Variants in RBFOX1 observed in about 807,000 individuals in gnomAD.
RBFOX1 encodes the protein RNA binding fox-1 homolog 1.
A neutral mutation model predicts 57.7 loss-of-function variants in RBFOX1; 8 were observed. The ratio of observed to expected loss-of-function variants is 0.14; its 90% CI spans 0.08 to 0.25. The LOEUF is 0.25. RBFOX1 is among the 10% of genes least tolerant of loss of function. The pLI, the probability that RBFOX1 is intolerant of heterozygous loss-of-function variation, is 1.00. For synonymous variants in RBFOX1, 326 were observed against 222.4 expected (o/e 1.47, Z -4.15); for missense variants, 611 against 548.5 (o/e 1.11, Z -1.14).
At chr16:6,726,089 G>A (rs1483553458) in intron 3 of RBFOX1, among the ~76,000 whole-genome samples, 1 of 152,162 alleles carries the variant, frequency 6.6e-6, no homozygotes, top group African/African-American at 2.4e-5. Flanking sequence ...ATGTTATTCA[G>A]TGTTAAATAT....
At chr16:7,233,241 T>A (rs1353111222) in intron 4 of RBFOX1, among the ~76,000 whole-genome samples, 4 of 150,978 alleles carry the variant, frequency 2.6e-5, no homozygotes, top group Non-Finnish European at 4.4e-5. Flanking sequence ...CTGATTCTTA[T>A]CCCATTGACT....
chr16:6,253,453 C>T (rs1371964324), intron 1 of RBFOX1, among the ~76,000 whole-genome samples: 1 of 152,142 alleles, frequency 6.6e-6, no homozygotes, highest in African/African-American at 2.4e-5. Context: ...AGGTGAGAAG[C>T]CAGAGGCTCG....
In RBFOX1 at chr16:6,562,851, TCTTTCTTTCTTTCTTTCTTTCTTTC is replaced by T. The variant is rs1567693317; in HGVS notation, c.-63-91751_-63-91727del. ...TGATTCTTTTCTTTCTTTCTTTCTT[TCTTTCTTTCTTTCTTTCTTTCTTTC>T]TTTCTTTTTTTTTTTTTTTTTTGCA... On this transcript the variant is annotated intron_variant, in intron 2 of 15. Coordinates refer to ENST00000550418, the MANE Select transcript of RBFOX1 (RefSeq NM_018723.4). 1.5e-3 allele frequency among the ~76,000 whole-genome samples: 78 copies of T among 50,540 alleles called. 3 individuals carry two copies. Among genetic ancestry groups the T allele is most frequent in the African/African-American group, 9.4e-3 (76 of 8,054 alleles). 33.2% of individuals were successfully genotyped at this position (50,540 alleles called of 152,430 possible).
chr16:6,017,695 T>C (rs532489809), upstream of RBFOX1, among the ~76,000 whole-genome samples: 3 of 152,258 alleles, frequency 2.0e-5, no homozygotes, highest in African/African-American at 7.2e-5. Context: ...TAAAAAGTAA[T>C]ATAGTTATAG....
At chr16:5,869,733 C>A (rs915178242) in intron 4 of RBFOX1, among the ~76,000 whole-genome samples, 1 of 152,068 alleles carries the variant, frequency 6.6e-6, no homozygotes, top group African/African-American at 2.4e-5. Flanking sequence ...CCTCATTTTA[C>A]CTGTTGAAAA....
chr16:6,051,135 C>T (rs1052918725), intron 1 of RBFOX1, among the ~76,000 whole-genome samples: 2 of 151,186 alleles, frequency 1.3e-5, no homozygotes, highest in Non-Finnish European at 2.9e-5. Flanking sequence ...GACAAAACTG[C>T]AATTACTTTT....
rs545536847 is a variant in RBFOX1, at chr16:7,666,310, G to A, written c.930+1342G>A. 1.1e-4 allele frequency among the ~76,000 whole-genome samples: 17 copies of A among 152,060 alleles called. No individual in the cohort carries two copies. The Middle Eastern group carries it at 0.014, about 122-fold the overall frequency. On this transcript the variant is annotated intron_variant, in intron 13 of 15. Coordinates refer to ENST00000550418, the MANE Select transcript of RBFOX1 (RefSeq NM_018723.4). Reference sequence around the variant, plus strand: ...AGAATTTAGGGCTTTAGAAATGAAAGGGAATAGACAAGGGATAGAGAAATG... The same window carrying A: ...AGAATTTAGGGCTTTAGAAATGAAAAGGAATAGACAAGGGATAGAGAAATG...
intron 2 of RBFOX1, among the ~76,000 whole-genome samples, chr16:5,560,680 C>T (rs141814148): frequency 4.6e-5 from 7 of 152,284 alleles, no homozygotes; most frequent in African/African-American, 9.6e-5. Flanking sequence ...AACATCTCAG[C>T]GTAGTCTGTG....
chr16:7,400,474 A>C (rs985241058), intron 4 of RBFOX1, among the ~76,000 whole-genome samples: 1 of 152,182 alleles, frequency 6.6e-6, no homozygotes, highest in South Asian at 2.1e-4. Flanking sequence ...TTTTTAATTT[A>C]AATTTATAGT....
intron 4 of RBFOX1, among the ~76,000 whole-genome samples, chr16:7,356,316 T>G (rs2097213734): frequency 6.6e-6 from 1 of 151,980 alleles, no homozygotes; most frequent in Non-Finnish European, 1.5e-5. Flanking sequence ...AACAAAAGAC[T>G]GAAATGAGAG....
Position 5,424,915 on chromosome 16 carries a change from CTT to C in RBFOX1, c.220-42299_220-42298del, listed in dbSNP as rs1279698322. Among the ~76,000 whole-genome samples the C allele has an allele frequency of 2.0e-5, 2 of 100,392 alleles. 1 individual carries two copies. Among genetic ancestry groups the C allele is most frequent in the Non-Finnish European group, 4.0e-5 (2 of 50,074 alleles). The allele number at this position is 100,392 out of a possible 152,430, so 65.9% of individuals were successfully genotyped here. On this transcript the variant is annotated intron_variant, in intron 1 of 2. Transcript: ENST00000585867. The stretch of plus-strand genomic sequence containing the variant: ...TCTTTCTTTCTTTCTTTCTTTCTTT[CTT>C]TCTTTCTTTCTTTCTTTCTCTCTCT...
Position 7,156,390 on chromosome 16 carries a change from CACAT to C in RBFOX1, c.27+104297_27+104300del, listed in dbSNP as rs563427709. The stretch of plus-strand genomic sequence containing the variant: ...ATACATATGCGTGTACATATATGCA[CACAT>C]ACATGTACATATATGTGTGCGTATA... On this transcript the variant is annotated intron_variant, in intron 4 of 15. Coordinates refer to ENST00000550418, the MANE Select transcript of RBFOX1 (RefSeq NM_018723.4). 2.8e-3 allele frequency among the ~76,000 whole-genome samples: 431 copies of C among 151,598 alleles called. 2 individuals are homozygous for C. Among genetic ancestry groups the C allele is most frequent in the South Asian group, 0.021 (101 of 4,808 alleles).
At chr16:5,442,254 G>A (rs2068106732) in intron 1 of RBFOX1, among the ~76,000 whole-genome samples, 1 of 152,212 alleles carries the variant, frequency 6.6e-6, no homozygotes, top group South Asian at 2.1e-4. Flanking sequence ...TCCAGTGGGA[G>A]TAGTACTGCA....
chr16:6,801,199 CAAAA>C (rs200091675), intron 3 of RBFOX1, among the ~76,000 whole-genome samples: 16 of 91,572 alleles, frequency 1.7e-4, no homozygotes, highest in East Asian at 5.5e-4. Context: ...ATTGAACATG[CAAAA>C]AAAAAAAAAA....
chr16:7,233,928 A>C (rs1338571823), intron 4 of RBFOX1, among the ~76,000 whole-genome samples: 3 of 152,200 alleles, frequency 2.0e-5, no homozygotes, highest in Non-Finnish European at 4.4e-5. Flanking sequence ...CCAATGGACA[A>C]ATTTCCATCT....
At chr16:6,296,437 T>TC (rs1555611645) in intron 1 of RBFOX1, among the ~76,000 whole-genome samples, 2 of 151,368 alleles carry the variant, frequency 1.3e-5, no homozygotes, top group East Asian at 1.9e-4. Context: ...TTTTTTTTTT[T>TC]CGAGGTGGAG....
At chr16:6,115,554 C>T (rs9927757) in intron 1 of RBFOX1, among the ~76,000 whole-genome samples, 48,217 of 151,838 alleles carry the variant, frequency 0.32, 11,063 homozygotes, top group African/African-American at 0.63. Flanking sequence ...TTTTTTTTCC[C>T]CTCTGTCCTT....
intron 4 of RBFOX1, among the ~76,000 whole-genome samples, chr16:7,282,430 C>G (rs2095563826): frequency 6.6e-6 from 1 of 152,258 alleles, no homozygotes; most frequent in South Asian, 2.1e-4. Flanking sequence ...AGATATTTCA[C>G]AAAACTCAGT....
At chr16:6,161,143 C>A (rs558099266) in intron 1 of RBFOX1, among the ~76,000 whole-genome samples, 117 of 152,244 alleles carry the variant, frequency 7.7e-4, no homozygotes, top group Non-Finnish European at 1.3e-3. Flanking sequence ...CATCCCAGCA[C>A]TTGGGGAGGC....
Sources: gnomAD v4.1 joint callset for allele counts (sites outside exome capture counted in the v4.1 genomes callset) on GRCh38, gnomAD v4.1.1 for gene constraint, MANE v1.5 for transcripts, NCBI Gene and HGNC (gene_info 2026-07-23, HGNC 2026-07-21) for gene names.